PPARGC1B: variants seen among roughly 807,000 people sequenced by gnomAD.
The protein encoded by PPARGC1B is peroxisome proliferator-activated receptor gamma coactivator 1-beta.
PPARGC1B carries 34 observed loss-of-function variants against 101.6 expected under a neutral mutation model. That is an observed-to-expected ratio of 0.33 (90% CI 0.25 to 0.45). PPARGC1B has a LOEUF of 0.45. Ranked by LOEUF, PPARGC1B falls within the 20% of genes least tolerant of loss-of-function variation. The probability of loss-of-function intolerance (pLI) is 1.00; values close to 1 mark genes in which losing one functional copy is unlikely to be tolerated. For missense variants in PPARGC1B, 1,234 were observed against 1,317.6 expected (o/e 0.94, Z 0.98); for synonymous variants, 548 against 539.3 (o/e 1.02, Z -0.22).
In PPARGC1B at chr5:149,847,813, G is replaced by T; in HGVS notation, c.*255G>T. 1 of 494,100 alleles carries T rather than the reference G, an allele frequency of 2.0e-6. No individual in the cohort carries two copies. Among genetic ancestry groups the T allele is most frequent in the East Asian group, 3.3e-5 (1 of 30,088 alleles). The allele number at this position is 494,100 out of a possible 1,614,324, so 30.6% of individuals were successfully genotyped here. On this transcript the variant is annotated 3_prime_UTR_variant, in exon 12 of 12. Coordinates refer to ENST00000309241, the MANE Select transcript of PPARGC1B (RefSeq NM_133263.4). ...TTAGTGTCCTCGCTTCCAACGGGTT[G>T]TCCCGGGTGCACCTCGAAGTGCCGG... is the stretch of plus-strand genomic sequence containing the variant.
Position 149,836,610 on chromosome 5 carries a change from C to G in PPARGC1B, c.2155C>G (p.Leu719Val). 6.2e-7 allele frequency: 1 copy of G among 1,613,870 alleles called. No homozygotes were observed. The highest frequency in any genetic ancestry group is 8.5e-7 in the Non-Finnish European group (1 of 1,180,044). ...LRSWEPSGVH[L>V]EDWPQQGAPW... ...GTCCTGGGAGCCGTCTGGGGTTCAC[C>G]TTGAGGACTGGCCCCAGCAGGGTGC... is the stretch of plus-strand genomic sequence containing the variant. Residue 719 changes from leucine (L) to valine (V), a missense_variant, in exon 8 of 12, where the codon CTT (leucine) becomes GTT (valine). Leu to Val is a conservative substitution (Grantham distance 32). This residue lies in a region of PPARGC1B where 497 missense variants were observed against 529.5 expected (regional missense o/e 0.94). Coordinates refer to ENST00000309241, the MANE Select transcript of PPARGC1B (RefSeq NM_133263.4).
At position 149,836,323 on chromosome 5, in the gene PPARGC1B, A is replaced by G; in HGVS notation, c.1868A>G (p.Asp623Gly). ...ACAGAGGAGGATCCCTTCAAACCAG[A>G]CATCAAGCATAGTCTAGGCAAAGAA... The part of the protein sequence containing the change: ...KPTEEDPFKP[D>G]IKHSLGKEIA... The change falls in exon 8 of 12, where the codon GAC (aspartate) becomes GGC (glycine). Residue 623 changes from aspartate (D) to glycine (G), a missense_variant. By Grantham distance (94) the Asp-to-Gly change is moderately conservative. Around this residue, in one of 3 missense-constraint regions of PPARGC1B, gnomAD observed 497 missense variants for 529.5 expected, o/e 0.94. Coordinates refer to ENST00000309241, the MANE Select transcript of PPARGC1B (RefSeq NM_133263.4). 6.2e-7 allele frequency: 1 copy of G among 1,613,166 alleles called. No individual in the cohort carries two copies. Among genetic ancestry groups the G allele is most frequent in the Non-Finnish European group, 8.5e-7 (1 of 1,179,648 alleles).
At chr5:149,767,662 A>T (rs1755961394) in intron 1 of PPARGC1B, among the ~76,000 whole-genome samples, 1 of 152,200 alleles carries the variant, frequency 6.6e-6, no homozygotes, top group Admixed American at 6.5e-5. Context: ...GTGTAGCTCC[A>T]GGGACTGAAC....
chr5:149,834,517 G>A lies in PPARGC1B; in HGVS notation c.1706-157G>A, dbSNP rs370342961. On this transcript the variant is annotated intron_variant, in intron 5 of 11. Transcript: ENST00000309241. ...CTAGGATGGAAGGTGGATTTGAGTT[G>A]TTCTGCCCTTCTCTAAAAGTGGCAG... Among the ~76,000 whole-genome samples, 260 of 152,366 alleles carry A rather than the reference G, an allele frequency of 1.7e-3. 11 individuals are homozygous for A. The South Asian group carries it at 0.052, about 30-fold the overall frequency.
intron 1 of PPARGC1B, among the ~76,000 whole-genome samples, chr5:149,744,127 A>G (rs954261171): frequency 5.3e-5 from 8 of 152,182 alleles, no homozygotes; most frequent in Non-Finnish European, 7.3e-5. Flanking sequence ...GGGACCAGTG[A>G]CCACAGTGCC....
intron 1 of PPARGC1B, among the ~76,000 whole-genome samples, chr5:149,788,368 A>G (rs1357394991): frequency 1.3e-5 from 2 of 152,246 alleles, no homozygotes; most frequent in Non-Finnish European, 2.9e-5. Context: ...AATCAAAACC[A>G]GAATGAGATA....
rs13175766 is a variant in PPARGC1B, at chr5:149,755,612, A to G, written c.78+25192A>G. ...TGTTGTTGTTGTTATTATTATTATTATTGTTATTATTATTATTATTATTAT... is the reference window on the plus strand; with the variant it reads ...TGTTGTTGTTGTTATTATTATTATTGTTGTTATTATTATTATTATTATTAT... On this transcript the variant is annotated intron_variant, in intron 1 of 11. Transcript: ENST00000309241. Among the ~76,000 whole-genome samples, 98 of 71,804 alleles carry G rather than the reference A, an allele frequency of 1.4e-3. 1 individual carries two copies. Among genetic ancestry groups the G allele is most frequent in the Admixed American group, 5.0e-3 (27 of 5,428 alleles). 47.1% of individuals were successfully genotyped at this position (71,804 alleles called of 152,430 possible).
chr5:149,811,318 A>G (rs756778229), intron 1 of PPARGC1B, among the ~76,000 whole-genome samples: 30 of 152,314 alleles, frequency 2.0e-4, no homozygotes, highest in Middle Eastern at 6.8e-3. Flanking sequence ...CAAATTTCTC[A>G]TAATCTTTTA....
chr5:149,772,267 G>A (rs1381003479), intron 1 of PPARGC1B: 5 of 1,538,748 alleles, frequency 3.2e-6, no homozygotes, highest in Non-Finnish European at 2.6e-6. Context: ...GTGATGTGGC[G>A]ATGGTGGGTT....
At chr5:149,813,092 C>A (rs527959218) in intron 1 of PPARGC1B, among the ~76,000 whole-genome samples, 13 of 152,236 alleles carry the variant, frequency 8.5e-5, no homozygotes, top group Non-Finnish European at 1.6e-4. Flanking sequence ...GCTGCTGAGG[C>A]TCTGTGTTGA....
chr5:149,750,781 G>A (rs1406244481), intron 1 of PPARGC1B, among the ~76,000 whole-genome samples: 1 of 152,192 alleles, frequency 6.6e-6, no homozygotes, highest in African/African-American at 2.4e-5. Context: ...ACCAGCTGCT[G>A]GATTTTGCAG....
intron 1 of PPARGC1B, among the ~76,000 whole-genome samples, chr5:149,772,373 G>A (rs1451686906): frequency 3.3e-5 from 5 of 152,162 alleles, no homozygotes; most frequent in Non-Finnish European, 4.4e-5. Context: ...GTGGCACAAT[G>A]GATTTATTTG....
downstream of PPARGC1B, among the ~76,000 whole-genome samples, chr5:149,855,978 G>C (rs962677730): frequency 6.6e-6 from 1 of 152,194 alleles, no homozygotes; most frequent in Non-Finnish European, 1.5e-5. Context: ...TTAGCCCGGC[G>C]TGGTGAGGGG....
At chr5:149,773,218 C>T (rs1359533151) in intron 1 of PPARGC1B, among the ~76,000 whole-genome samples, 1 of 152,206 alleles carries the variant, frequency 6.6e-6, no homozygotes, top group Non-Finnish European at 1.5e-5. Flanking sequence ...CTGCTGTGGT[C>T]GTGTCTTGTG....
At chr5:149,842,105 TTGGCATTGTCCTC>T in intron 9 of PPARGC1B, 138 bp from the exon 10 acceptor site, 1 of 981,608 alleles carries the variant, frequency 1.0e-6, no homozygotes, top group African/African-American at 1.6e-5. Context: ...GGGGTAGAGA[TTGGCATTGTCCTC>T]TCTCTGACTC....
At chr5:149,769,928 C>G (rs1756062120) in intron 1 of PPARGC1B, among the ~76,000 whole-genome samples, 1 of 152,182 alleles carries the variant, frequency 6.6e-6, no homozygotes, top group South Asian at 2.1e-4. Context: ...TATCTCCCAT[C>G]TCCGTATTCT....
chr5:149,843,484 C>A (rs1006758878), intron 10 of PPARGC1B, among the ~76,000 whole-genome samples: 2 of 152,160 alleles, frequency 1.3e-5, no homozygotes, highest in South Asian at 4.1e-4. Context: ...TATCAAAAAA[C>A]CAGAAAATAA....
chr5:149,772,953 T>C (rs1479977585), intron 1 of PPARGC1B, among the ~76,000 whole-genome samples: 1 of 152,188 alleles, frequency 6.6e-6, no homozygotes, highest in East Asian at 1.9e-4. Context: ...ACTGTGAACA[T>C]ACCTGGTGCT....
intron 1 of PPARGC1B, among the ~76,000 whole-genome samples, chr5:149,784,043 G>C (rs906406911): frequency 1.3e-5 from 2 of 152,036 alleles, no homozygotes; most frequent in East Asian, 1.9e-4. Context: ...TGACCGCACT[G>C]TTCCCCTGCT....
Sources: allele counts gnomAD v4.1 joint callset (sites outside exome capture counted in the v4.1 genomes callset), GRCh38; gene constraint gnomAD v4.1.1; regional missense constraint gnomAD v4.1.1; transcripts MANE v1.5; gene names NCBI Gene and HGNC (gene_info 2026-07-23, HGNC 2026-07-21).